The following CADPS2 variants were observed in gnomAD, a reference collection of about 807,000 sequenced individuals.
The protein encoded by CADPS2 is calcium dependent secretion activator 2, also known as calcium-dependent secretion activator 2.
A neutral mutation model predicts 172.5 loss-of-function variants in CADPS2; 93 were observed. The observed-to-expected ratio is 0.54, with a 90% CI of 0.46 to 0.64. The LOEUF (loss-of-function observed/expected upper bound fraction) is 0.64, where lower values mean the gene tolerates loss of function less well. CADPS2 is among the 30% of genes least tolerant of loss of function. The pLI, the probability that CADPS2 is intolerant of heterozygous loss-of-function variation, is 0.00. For synonymous variants in CADPS2, 546 were observed against 555.2 expected (o/e 0.98, Z 0.23); for missense variants, 1,420 against 1,565.9 (o/e 0.91, Z 1.57).
At chr7:122,521,973 A>C (rs2060840164) in intron 8 of CADPS2, among the ~76,000 whole-genome samples, 1 of 152,194 alleles carries the variant, frequency 6.6e-6, no homozygotes, top group Non-Finnish European at 1.5e-5. Context: ...TGCTTGCTAT[A>C]GCAAAATCTA....
chr7:122,860,614 A>G (rs1461751732), intron 1 of CADPS2, among the ~76,000 whole-genome samples: 1 of 152,194 alleles, frequency 6.6e-6, no homozygotes, highest in African/African-American at 2.4e-5. Context: ...CATTTAAGAA[A>G]GAAAAAACAG....
intron 8 of CADPS2, among the ~76,000 whole-genome samples, chr7:122,542,627 G>A (rs1210420377): frequency 6.6e-6 from 1 of 152,066 alleles, no homozygotes; most frequent in Non-Finnish European, 1.5e-5. Flanking sequence ...ATTTTCAACT[G>A]TAACATTACT....
At chr7:122,409,661 T>C in intron 19 of CADPS2, 1 of 470,884 alleles carries the variant, frequency 2.1e-6, no homozygotes, top group Non-Finnish European at 4.4e-6. Flanking sequence ...GCAATCACTG[T>C]CTTTGAAAAA....
chr7:122,483,359 A>C (rs2057489029), intron 11 of CADPS2, among the ~76,000 whole-genome samples: 1 of 152,226 alleles, frequency 6.6e-6, no homozygotes. Flanking sequence ...AACACCTTAA[A>C]GTACTAAAAG....
At chr7:122,624,066 T>G (rs2075851136) in intron 4 of CADPS2, among the ~76,000 whole-genome samples, 1 of 152,212 alleles carries the variant, frequency 6.6e-6, no homozygotes, top group Admixed American at 6.5e-5. Flanking sequence ...TTGAATTTTT[T>G]TCTCCAAAAA....
chr7:122,575,528 CA>C (rs1563751330), intron 7 of CADPS2, among the ~76,000 whole-genome samples: 1 of 151,782 alleles, frequency 6.6e-6, no homozygotes, highest in African/African-American at 2.4e-5. Flanking sequence ...CCTCCCCCTC[CA>C]GGGTTCAAGC....
At chr7:122,863,328 G>C (rs1413075075) in intron 1 of CADPS2, among the ~76,000 whole-genome samples, 1 of 152,092 alleles carries the variant, frequency 6.6e-6, no homozygotes, top group African/African-American at 2.4e-5. Context: ...TTATGAACAA[G>C]TTTTTGCCTA....
At chr7:122,579,243 T>C (rs1228406891) in intron 7 of CADPS2, among the ~76,000 whole-genome samples, 2 of 151,922 alleles carry the variant, frequency 1.3e-5, no homozygotes, top group Non-Finnish European at 2.9e-5. Context: ...TAGCAATGTC[T>C]GGAGACATTT....
intron 1 of CADPS2, among the ~76,000 whole-genome samples, chr7:122,857,727 G>A (rs1298353169): frequency 1.3e-5 from 2 of 152,204 alleles, no homozygotes; most frequent in African/African-American, 4.8e-5. Context: ...CTTTAACTGT[G>A]TGTGTTAATG....
chr7:122,564,876 C>A (rs1007977693), intron 7 of CADPS2, among the ~76,000 whole-genome samples: 12 of 147,426 alleles, frequency 8.1e-5, no homozygotes, highest in Non-Finnish European at 1.7e-4. Flanking sequence ...CACACACACA[C>A]AAAACACTAC....
At chr7:122,380,141 T>C (rs1188199262) in intron 24 of CADPS2, among the ~76,000 whole-genome samples, 2 of 152,108 alleles carry the variant, frequency 1.3e-5, no homozygotes, top group Non-Finnish European at 2.9e-5. Context: ...AAAATCAACC[T>C]GAAAGACTTT....
At chr7:122,833,755 A>G (rs1807366791) in intron 1 of CADPS2, among the ~76,000 whole-genome samples, 1 of 152,150 alleles carries the variant, frequency 6.6e-6, no homozygotes, top group African/African-American at 2.4e-5. Flanking sequence ...AATATTCTTA[A>G]AAGGTAAAAG....
chr7:122,679,300 G>A (rs1478463078), intron 2 of CADPS2, among the ~76,000 whole-genome samples: 1 of 89,642 alleles, frequency 1.1e-5, no homozygotes, highest in African/African-American at 3.7e-5. Flanking sequence ...CACCCTGGGA[G>A]TGTCTGCCTC....
chr7:122,335,178 T>C (rs1475595763), intron 28 of CADPS2, among the ~76,000 whole-genome samples: 1 of 152,262 alleles, frequency 6.6e-6, no homozygotes, highest in African/African-American at 2.4e-5. Context: ...ATGAAATGGA[T>C]ATTCTACATG....
At chr7:122,772,178 G>T (rs997397497) in intron 1 of CADPS2, among the ~76,000 whole-genome samples, 1 of 152,170 alleles carries the variant, frequency 6.6e-6, no homozygotes, top group South Asian at 2.1e-4. Context: ...GGTTTGAGTA[G>T]CCTATAAAAA....
At chr7:122,599,587 T>C (rs1299135620) in intron 6 of CADPS2, among the ~76,000 whole-genome samples, 1 of 152,034 alleles carries the variant, frequency 6.6e-6, no homozygotes, top group African/African-American at 2.4e-5. Context: ...TTGAGTAAGG[T>C]ATCCATGTGA....
chr7:122,382,643 C>T (rs114975985), intron 24 of CADPS2, among the ~76,000 whole-genome samples: 2,645 of 151,784 alleles, frequency 0.017, 81 homozygotes, highest in African/African-American at 0.061. Flanking sequence ...ATGTTTCCAA[C>T]AATAAAAACC....
At chr7:122,885,675 A>G (rs1824156513) in intron 1 of CADPS2, among the ~76,000 whole-genome samples, 1 of 152,132 alleles carries the variant, frequency 6.6e-6, no homozygotes, top group Admixed American at 6.5e-5. Flanking sequence ...ATTAAAGTTG[A>G]TGGGAGTTGC....
chr7:122,821,079 T>C (rs1189092781), intron 1 of CADPS2, among the ~76,000 whole-genome samples: 4 of 152,036 alleles, frequency 2.6e-5, no homozygotes, highest in African/African-American at 9.7e-5. Flanking sequence ...ACAATTACTG[T>C]TGTTCCTGGC....
Sources: gnomAD v4.1 joint callset for allele counts (sites outside exome capture counted in the v4.1 genomes callset) on GRCh38, gnomAD v4.1.1 for gene constraint, MANE v1.5 for transcripts, NCBI Gene and HGNC (gene_info 2026-07-23, HGNC 2026-07-21) for gene names.